The following UBR3 variants were observed in gnomAD, a reference collection of about 807,000 sequenced individuals.
The protein encoded by UBR3 is E3 ubiquitin-protein ligase UBR3.
Under a neutral mutation model 243.2 loss-of-function variants are expected in UBR3, and 85 were observed. That is an observed-to-expected ratio of 0.35 (90% CI 0.29 to 0.42). The LOEUF is 0.42. Among genes scored for constraint, UBR3 ranks in the 10% least tolerant of loss-of-function variants. The pLI is 1.00. For synonymous variants in UBR3, 748 were observed against 799.8 expected, an observed-to-expected ratio of 0.94 and a Z score of 1.09; for missense variants, 1,686 against 2,300.8, an observed-to-expected ratio of 0.73 and a Z score of 5.47.
At chr2:169,888,208 G>A (rs2084186635) in intron 5 of UBR3, among the ~76,000 whole-genome samples, 1 of 150,462 alleles carries the variant, frequency 6.6e-6, no homozygotes, top group Admixed American at 6.6e-5. Context: ...GCACGATCTC[G>A]GCTCACTGCA....
Position 169,929,248 on chromosome 2 carries a change from C to T in UBR3, c.2566+380C>T, listed in dbSNP as rs887308612. Among the ~76,000 whole-genome samples the T allele has an allele frequency of 4.6e-5, 7 of 152,152 alleles. No homozygotes were observed. The South Asian group carries it at 6.2e-4, about 13-fold the overall frequency. ...TTTTGAAACAGCAAAAGAATCCTCA[C>T]GACCCAAATTTTAACTTGAAATAGT... On this transcript the variant is annotated intron_variant, in intron 18 of 38. Coordinates refer to ENST00000272793, the MANE Select transcript of UBR3 (RefSeq NM_172070.4).
chr2:169,908,770 G>A (rs1207232655), intron 10 of UBR3, among the ~76,000 whole-genome samples: 8 of 151,644 alleles, frequency 5.3e-5, no homozygotes, highest in South Asian at 4.2e-4. Flanking sequence ...AGTGTTTGTC[G>A]TGGGGGAGAT....
At chr2:170,065,175 G>C (rs1221218674) in intron 35 of UBR3, among the ~76,000 whole-genome samples, 1 of 152,090 alleles carries the variant, frequency 6.6e-6, no homozygotes, top group Non-Finnish European at 1.5e-5. Context: ...TTTTTAATCT[G>C]TCAAGTTACT....
Position 170,007,169 on chromosome 2 carries a change from G to A in UBR3, c.4209G>A (p.Gln1403=), listed in dbSNP as rs376254360. 2.2e-5 allele frequency: 36 copies of A among 1,603,924 alleles called. No homozygotes were observed. Among genetic ancestry groups the A allele is most frequent in the Non-Finnish European group, 3.0e-5 (35 of 1,174,848 alleles). The change falls in exon 28 of 39, where the codon CAG becomes CAA. Residue 1403 remains glutamine (Q), a synonymous_variant. Transcript: ENST00000272793. ...TCATAAAGGAAGTGGAGGAGCTGCA[G>A]GGACGACCGGGAGCTTTCCCAGTAA... ...QDLIKEVEEL[Q]GRPGAFPSET...
chr2:169,904,152 T>C (rs1443287543), intron 8 of UBR3, among the ~76,000 whole-genome samples: 1 of 152,240 alleles, frequency 6.6e-6, no homozygotes, highest in Non-Finnish European at 1.5e-5. Context: ...CACTTGTTTT[T>C]ATTTTATTGT....
chr2:170,019,453 G>A (rs1574406363), intron 30 of UBR3, among the ~76,000 whole-genome samples: 1 of 152,146 alleles, frequency 6.6e-6, no homozygotes, highest in Non-Finnish European at 1.5e-5. Context: ...GGAAGCTGAG[G>A]TTGGGAGGAT....
chr2:170,055,455 TGCAG>T lies in UBR3; in HGVS notation c.4661-4_4661-1del. On this transcript the variant is annotated splice_acceptor_variant and splice_polypyrimidine_tract_variant and intron_variant, in intron 32 of 38. Transcript: ENST00000272793. LOFTEE classifies it high-confidence loss of function. ...AAAGAAATAATGATTTTTTTTCTCT[TGCAG>T]ACCACTTTACCTGCATTGTGAAGGT... 2 of 1,610,480 alleles carry T rather than the reference TGCAG, an allele frequency of 1.2e-6. No homozygotes were observed. Among genetic ancestry groups the T allele is most frequent in the South Asian group, 2.2e-5 (2 of 89,872 alleles).
chr2:169,977,959 A>T (rs936111491), intron 24 of UBR3, among the ~76,000 whole-genome samples: 4 of 152,146 alleles, frequency 2.6e-5, no homozygotes, highest in African/African-American at 9.7e-5. Flanking sequence ...GCTTTTGTAG[A>T]GAATGATTCA....
At chr2:170,042,765 G>A (rs905923795) in intron 32 of UBR3, among the ~76,000 whole-genome samples, 1 of 148,896 alleles carries the variant, frequency 6.7e-6, no homozygotes, top group African/African-American at 2.5e-5. Context: ...TGGAATTGCT[G>A]GATCATATGG....
At chr2:170,020,437 G>A (rs1367090054) in intron 30 of UBR3, among the ~76,000 whole-genome samples, 4 of 152,142 alleles carry the variant, frequency 2.6e-5, no homozygotes, top group Admixed American at 6.6e-5. Flanking sequence ...ATATGTGGTG[G>A]AATAGACAAC....
chr2:170,025,280 A>C (rs1559197685), intron 30 of UBR3, among the ~76,000 whole-genome samples: 1 of 152,172 alleles, frequency 6.6e-6, no homozygotes. Context: ...GAGATGCTAA[A>C]ATTGAAATAG....
In UBR3 at chr2:169,827,558, C is replaced by T; in HGVS notation, c.51C>T (p.Pro17=). 1.6e-6 allele frequency: 2 copies of T among 1,235,614 alleles called. No homozygotes were observed. The highest frequency in any genetic ancestry group is 3.2e-5 in the East Asian group (1 of 31,398). The allele number at this position is 1,235,614 out of a possible 1,614,324, so 76.5% of individuals were successfully genotyped here. A position where few individuals can be genotyped will look rare whatever the true frequency, so the allele number is the denominator to read the frequency against. ...TCGGGGGCCAGCAGCCGTCACAGCC[C>T]GAGCTGCCCGCGCCGGGGCTGGCCC... ...AAVGGQQPSQ[P]ELPAPGLALD... The change falls in exon 1 of 39, where the codon CCC becomes CCT. Residue 17 remains proline, a synonymous_variant. Transcript: ENST00000272793.
chr2:170,070,048 G>C (rs1040550682), intron 35 of UBR3, among the ~76,000 whole-genome samples: 1 of 151,892 alleles, frequency 6.6e-6, no homozygotes, highest in East Asian at 1.9e-4. Context: ...CATGGATATG[G>C]AACTCCTGAA....
At chr2:170,012,005 G>A (rs2090098802) in intron 29 of UBR3, among the ~76,000 whole-genome samples, 1 of 152,034 alleles carries the variant, frequency 6.6e-6, no homozygotes, top group African/African-American at 2.4e-5. Context: ...TGAGTAGCAG[G>A]TGGTTTGTAT....
chr2:169,930,378 GT>G (rs2086074431), intron 18 of UBR3, among the ~76,000 whole-genome samples: 3 of 151,270 alleles, frequency 2.0e-5, no homozygotes, highest in South Asian at 4.2e-4. Context: ...TAGGAAATTA[GT>G]TGTTTTTTTT....
At chr2:169,982,977 G>A (rs12996728) in intron 24 of UBR3, among the ~76,000 whole-genome samples, 64,636 of 151,930 alleles carry the variant, frequency 0.43, 15,300 homozygotes, top group Non-Finnish European at 0.54. Flanking sequence ...TTAACAGGGG[G>A]CTGCCATGAG....
intron 1 of UBR3, among the ~76,000 whole-genome samples, chr2:169,855,984 C>A (rs2082835016): frequency 6.6e-6 from 1 of 151,382 alleles, no homozygotes; most frequent in Admixed American, 6.6e-5. Flanking sequence ...GGCTGCCCCC[C>A]ACCTCCCAGA....
chr2:169,977,369 A>G lies in UBR3; in HGVS notation c.3635-9276A>G, dbSNP rs189410289. On this transcript the variant is annotated intron_variant, in intron 24 of 38. Transcript: ENST00000272793. ...TGGCTTACATAATTACAAAGGTGAC[A>G]TCCCATGATCGGCCATCTGCAAGCC... Among the ~76,000 whole-genome samples the G allele has an allele frequency of 2.9e-3, 449 of 152,334 alleles. 3 individuals are homozygous for G. Among genetic ancestry groups the G allele is most frequent in the African/African-American group, 0.01 (424 of 41,584 alleles).
intron 19 of UBR3, among the ~76,000 whole-genome samples, chr2:169,934,108 C>CTT (rs1461882625): frequency 5.9e-5 from 9 of 152,122 alleles, no homozygotes; most frequent in Non-Finnish European, 1.0e-4. Context: ...TCGTCTACAT[C>CTT]TTTAATACTT....
Sources: allele counts gnomAD v4.1 joint callset (sites outside exome capture counted in the v4.1 genomes callset), GRCh38; gene constraint gnomAD v4.1.1; transcripts MANE v1.5; gene names NCBI Gene and HGNC (gene_info 2026-07-23, HGNC 2026-07-21).